Variants in MIER2 observed in about 807,000 individuals in gnomAD.
The protein encoded by MIER2 is MIER family member 2.
MIER2 carries 30 observed loss-of-function variants against 67.6 expected under a neutral mutation model. That is an observed-to-expected ratio of 0.44 (90% CI 0.33 to 0.60). The LOEUF is 0.60. Ranked by LOEUF, MIER2 falls within the 20% of genes least tolerant of loss-of-function variation. The pLI is 0.02. For missense variants in MIER2, 702 were observed against 745.1 expected (o/e 0.94, Z 0.67); for synonymous variants, 372 against 312.6 (o/e 1.19, Z -2.00).
Position 308,727 on chromosome 19 carries a change from C to T in MIER2, c.1110-62G>A. On this transcript the variant is annotated intron_variant, in intron 11 of 13. Transcript: ENST00000264819. This position sits in a 1 kb window ranked among gnomAD's most constrained non-coding sequence, Gnocchi z 9.1. ...GACAGACGCCCCCACCCAAGAGGTG[C>T]CGCCCAGGCGCCCACGTGCCCACCC... 1.3e-6 allele frequency: 2 copies of T among 1,592,796 alleles called. No individual in the cohort carries two copies. The highest frequency in any genetic ancestry group is 1.7e-6 in the Non-Finnish European group (2 of 1,167,324).
chr19:333,813 C>A (rs987332629), intron 3 of MIER2, among the ~76,000 whole-genome samples: 2 of 149,782 alleles, frequency 1.3e-5, no homozygotes, highest in African/African-American at 4.9e-5. Context: ...CTCAGCCTCC[C>A]GAGTAGCTGG....
intron 5 of MIER2, 168 bp downstream of exon 5, chr19:326,965 G>T: frequency 1.1e-6 from 1 of 907,910 alleles, no homozygotes; most frequent in Non-Finnish European, 1.6e-6. Flanking sequence ...ACTGGCCAGC[G>T]TGGAGGAGAA....
chr19:312,116 G>C (rs868751010), intron 9 of MIER2, 75 bp downstream of exon 9: 250 of 1,124,474 alleles, frequency 2.2e-4, no homozygotes, highest in Admixed American at 3.0e-4. Flanking sequence ...CGGAAGGAAG[G>C]CCCAGGCCGG....
chr19:338,449 T>C (rs1972362943), intron 1 of MIER2, among the ~76,000 whole-genome samples: 1 of 152,126 alleles, frequency 6.6e-6, no homozygotes, highest in African/African-American at 2.4e-5. Flanking sequence ...TCCAAGGGAA[T>C]GTAAAGGCAT....
intron 7 of MIER2, among the ~76,000 whole-genome samples, chr19:322,093 C>T (rs34179183): frequency 0.15 from 22,681 of 151,678 alleles, 2,184 homozygotes; most frequent in African/African-American, 0.26. Flanking sequence ...TTAGTAGAGA[C>T]GGGGTTTCAC....
At chr19:333,069 T>C (rs1361470992) in intron 3 of MIER2, among the ~76,000 whole-genome samples, 1 of 73,300 alleles carries the variant, frequency 1.4e-5, no homozygotes, top group Non-Finnish European at 2.4e-5. Flanking sequence ...CTCAGCTCAC[T>C]GCAAGCTCCG....
rs747849333 is a variant in MIER2, at chr19:308,633, G to C, written c.1142C>G (p.Pro381Arg). 14 of 1,606,414 alleles carry C rather than the reference G, an allele frequency of 8.7e-6. No homozygotes were observed. In the East Asian group the frequency reaches 2.9e-4, roughly 33 times the overall value. The change falls in exon 12 of 14, where the codon CCC (proline) becomes CGC (arginine). Residue 381 changes from proline (P) to arginine (R), a missense_variant. This residue lies in a region of MIER2 where 254 missense variants were observed against 262.8 expected (regional missense o/e 0.97). Transcript: ENST00000264819. The surrounding 1 kb of genome is among the most constrained non-coding windows in gnomAD (Gnocchi z 9.1). ...DADQDLDGSD[P>R]DGPGRPRPEQ... is the part of the protein sequence containing the mutation. The stretch of plus-strand genomic sequence containing the variant: ...CGGGCGCGGACGGCCGGGGCCATCG[G>C]GGTCGCTGCCATCCAGGTCCTGGTC...
chr19:308,833 C>T lies in MIER2; in HGVS notation c.1077G>A (p.Leu359=). 6.2e-7 allele frequency: 1 copy of T among 1,609,358 alleles called. No homozygotes were observed. The highest frequency in any genetic ancestry group is 8.5e-7 in the Non-Finnish European group (1 of 1,176,648). The part of the protein sequence containing the change: ...RYDYFAQQTR[L]GRRKYVPSGT... ...CGGACGGGACGTACTTCCTCCGGCC[C>T]AGCCGCGTCTGCTGGGCGAAGTAGT... The change falls in exon 11 of 14, where the codon CTG becomes CTA. Residue 359 remains leucine, a synonymous_variant. Coordinates refer to ENST00000264819, the MANE Select transcript of MIER2 (RefSeq NM_017550.3). The surrounding 1 kb of genome is among the most constrained non-coding windows in gnomAD (Gnocchi z 9.1).
chr19:313,494 GCTCA>G lies in MIER2; in HGVS notation c.801_804del (p.Glu268ArgfsTer7), dbSNP rs1971106129. ...GTCCCCGGCATGGCAGCCCCCACCT[GCTCA>G]CTGTCTTTCACGGCTTCTCCCTCTG... On this transcript the variant is annotated frameshift_variant, in exon 8 of 14. Coordinates refer to ENST00000264819, the MANE Select transcript of MIER2 (RefSeq NM_017550.3). LOFTEE classifies it high-confidence loss of function. 2 of 1,610,958 alleles carry G rather than the reference GCTCA, an allele frequency of 1.2e-6. No homozygotes were observed. Among genetic ancestry groups the G allele is most frequent in the Non-Finnish European group, 1.7e-6 (2 of 1,179,656 alleles).
chr19:328,285 T>G (rs1341908998), intron 3 of MIER2, among the ~76,000 whole-genome samples: 3 of 152,034 alleles, frequency 2.0e-5, no homozygotes, highest in African/African-American at 4.8e-5. Context: ...AAGGATGGTG[T>G]GACACAGGGT....
intron 1 of MIER2, among the ~76,000 whole-genome samples, chr19:339,795 G>A (rs146173311): frequency 6.6e-6 from 1 of 151,990 alleles, no homozygotes; most frequent in East Asian, 1.9e-4. Flanking sequence ...ATGGATTCCT[G>A]GTGGAAAGGG....
Position 306,548 on chromosome 19 carries a change from C to T in MIER2, c.*142G>A. ...GGCTCACGGCCCAGCCACCTCACCC[C>T]AGTCCTGACGTGTTCTGAAGCAGAA... is the stretch of plus-strand genomic sequence containing the variant. On this transcript the variant is annotated 3_prime_UTR_variant, in exon 14 of 14. Transcript: ENST00000264819. The T allele has an allele frequency of 8.8e-7, 1 of 1,138,114 alleles. No individual in the cohort carries two copies. The highest frequency in any genetic ancestry group is 1.3e-6 in the Non-Finnish European group (1 of 790,250). 70.5% of individuals were successfully genotyped at this position (1,138,114 alleles called of 1,614,324 possible).
At chr19:325,845 T>C in intron 6 of MIER2, 141 bp from the exon 7 acceptor site, 2 of 866,312 alleles carry the variant, frequency 2.3e-6, no homozygotes, top group Non-Finnish European at 3.7e-6. Context: ...TACCTGCTGA[T>C]GCCCAGTTCT....
chr19:332,243 T>C (rs2145509701), intron 3 of MIER2, among the ~76,000 whole-genome samples: 1 of 152,264 alleles, frequency 6.6e-6, no homozygotes, highest in Non-Finnish European at 1.5e-5. Flanking sequence ...CAGGCTGGAC[T>C]GCAGTGGCAC....
At chr19:344,673 G>A (rs1469806208) in intron 1 of MIER2, 101 bp downstream of exon 1, 15 of 789,810 alleles carry the variant, frequency 1.9e-5, no homozygotes, top group Middle Eastern at 5.3e-4. Context: ...CTCCAGAGCG[G>A]GGCTCTCCGT....
At chr19:336,229 A>C in intron 1 of MIER2, 56 bp from the exon 2 acceptor site, 1 of 1,440,398 alleles carries the variant, frequency 6.9e-7, no homozygotes, top group Non-Finnish European at 9.7e-7. Context: ...GCTGCTGGAC[A>C]TCACAGTGTG....
At chr19:320,159 G>A (rs1309647157) in intron 7 of MIER2, among the ~76,000 whole-genome samples, 1 of 152,060 alleles carries the variant, frequency 6.6e-6, no homozygotes, top group Non-Finnish European at 1.5e-5. Context: ...CAGATCACTT[G>A]AGGCCAGGAG....
At position 313,627 on chromosome 19, in the gene MIER2, G is replaced by C; in HGVS notation, c.672C>G (p.Asp224Glu). 1 of 1,612,128 alleles carries C rather than the reference G, an allele frequency of 6.2e-7. No homozygotes were observed. The highest frequency in any genetic ancestry group is 8.5e-7 in the Non-Finnish European group (1 of 1,179,906). ...RHCEKIYENE[D>E]QLLWDPSVLP... The stretch of plus-strand genomic sequence containing the variant: ...GGACGCTGGGGTCCCAGAGCAGCTG[G>C]TCTTCGTTCTCGTAGACTGCACAAG... Residue 224 changes from aspartate to glutamate, a missense_variant, in exon 8 of 14, where the codon GAC (aspartate) becomes GAG (glutamate). Asp to Glu is a conservative substitution (Grantham distance 45). Around this residue, in one of 3 missense-constraint regions of MIER2, gnomAD observed 320 missense variants for 292.6 expected, o/e 1.09. Transcript: ENST00000264819.
chr19:309,003 T>G (rs1329713584), intron 10 of MIER2, 78 bp from the exon 11 acceptor site: 342 of 1,479,128 alleles, frequency 2.3e-4, no homozygotes, highest in East Asian at 2.4e-4. Flanking sequence ...CAGGACGTCC[T>G]GGGACCCCGG....
Sources: allele counts gnomAD v4.1 joint callset (sites outside exome capture counted in the v4.1 genomes callset), GRCh38; gene constraint gnomAD v4.1.1; regional missense constraint gnomAD v4.1.1; non-coding constraint Gnocchi (gnomAD v3.1); transcripts MANE v1.5; gene names NCBI Gene and HGNC (gene_info 2026-07-23, HGNC 2026-07-21).